The following EFNB2 variants were observed in gnomAD, a reference collection of about 807,000 sequenced individuals.
The protein encoded by EFNB2 is ephrin B2, also known as ephrin-B2.
EFNB2 carries 5 observed loss-of-function variants against 32.1 expected under a neutral mutation model. The observed-to-expected ratio is 0.16, with a 90% CI of 0.08 to 0.33. EFNB2 has a LOEUF of 0.33. Ranked by LOEUF, EFNB2 falls within the 10% of genes least tolerant of loss-of-function variation. EFNB2 has a pLI of 1.00. For missense variants in EFNB2, 263 were observed against 422.6 expected, an observed-to-expected ratio of 0.62 and a Z score of 3.31; for synonymous variants, 168 against 166.5, an observed-to-expected ratio of 1.01 and a Z score of -0.07.
At chr13:106,500,818 G>A (rs985185907) in intron 2 of EFNB2, among the ~76,000 whole-genome samples, 2 of 152,034 alleles carry the variant, frequency 1.3e-5, no homozygotes, top group South Asian at 2.1e-4. Context: ...TCTGAAGATC[G>A]GAAGACTGTT....
intron 1 of EFNB2, among the ~76,000 whole-genome samples, chr13:106,529,332 C>T (rs900019653): frequency 2.6e-5 from 4 of 152,304 alleles, no homozygotes; most frequent in South Asian, 2.1e-4. Context: ...TCCTACAGAA[C>T]GGCTGCTGCT....
chr13:106,535,409 C>A lies in EFNB2; in HGVS notation c.-445G>T, dbSNP rs998976729. 109 of 150,264 alleles carry A rather than the reference C, an allele frequency of 7.3e-4. No homozygotes were observed. Among genetic ancestry groups the A allele is most frequent in the African/African-American group, 2.6e-3 (108 of 41,212 alleles). 9.3% of individuals were successfully genotyped at this position (150,264 alleles called of 1,614,324 possible). ...ATAGATCCAGTGCAGCGGGCAGCGG[C>A]CCGAGCGCGCGGGCGCCGCGTCGGC... On this transcript the variant is annotated 5_prime_UTR_variant, in exon 1 of 5. Transcript: ENST00000646441.
chr13:106,495,408 G>C (rs1007622306), intron 3 of EFNB2, among the ~76,000 whole-genome samples: 1 of 152,196 alleles, frequency 6.6e-6, no homozygotes, highest in African/African-American at 2.4e-5. Flanking sequence ...AACTGCACAA[G>C]CTTTTAGTTT....
At position 106,512,392 on chromosome 13, in the gene EFNB2, AG is replaced by A. The variant is rs59267623; in HGVS notation, c.406+136del. ...ATGAAGTTTTCTTTGAAAAAAAAAA[AG>A]GGGGGGGGGACAATTTTTCCACATA... is the stretch of plus-strand genomic sequence containing the variant. On this transcript the variant is annotated intron_variant, in intron 2 of 4. Coordinates refer to ENST00000646441, the MANE Select transcript of EFNB2 (RefSeq NM_004093.4). 2.6e-3 allele frequency: 785 copies of A among 300,386 alleles called. 2 individuals carry two copies. The highest frequency in any genetic ancestry group is 3.8e-3 in the East Asian group (61 of 15,934). 18.6% of individuals were successfully genotyped at this position (300,386 alleles called of 1,614,324 possible).
chr13:106,502,850 A>AC (rs2138909203), intron 2 of EFNB2, among the ~76,000 whole-genome samples: 1 of 66,614 alleles, frequency 1.5e-5, no homozygotes, highest in South Asian at 3.6e-4. Flanking sequence ...GGAAGAGCAG[A>AC]AAGTGATGGC....
At chr13:106,522,148 G>A (rs1369934837) in intron 1 of EFNB2, among the ~76,000 whole-genome samples, 1 of 152,090 alleles carries the variant, frequency 6.6e-6, no homozygotes, top group Admixed American at 6.5e-5. Context: ...AGTAAGGCTG[G>A]GATGCTATGT....
At position 106,493,439 on chromosome 13, in the gene EFNB2, G is replaced by A. The variant is rs3742161; in HGVS notation, c.614-11C>T. ...CGTCTGTGCTAGAACCTGCAGACGCGGAGACAGAAAAGGTCAGAGATAGTT... is the reference window on the plus strand; with the variant it reads ...CGTCTGTGCTAGAACCTGCAGACGCAGAGACAGAAAAGGTCAGAGATAGTT... On this transcript the variant is annotated splice_polypyrimidine_tract_variant and intron_variant, in intron 4 of 4. Transcript: ENST00000646441. The surrounding 1 kb of genome is among the most constrained non-coding windows in gnomAD (Gnocchi z 6.1). 3.7e-3 allele frequency: 5,958 copies of A among 1,599,584 alleles called. 174 individuals are homozygous for A. In the East Asian group the frequency reaches 0.066, roughly 18 times the overall value.
intron 1 of EFNB2, among the ~76,000 whole-genome samples, chr13:106,514,970 A>G (rs933966811): frequency 2.0e-5 from 3 of 152,054 alleles, no homozygotes; most frequent in Non-Finnish European, 2.9e-5. Context: ...ATTACACCCT[A>G]TGTCTCAAGT....
intron 2 of EFNB2, chr13:106,505,936 C>T (rs1449087002): frequency 1.3e-5 from 2 of 152,242 alleles, no homozygotes; most frequent in Non-Finnish European, 2.9e-5. Context: ...TTTCTTCTTA[C>T]ACACAGAGCC....
chr13:106,497,642 T>C (rs558393789), intron 2 of EFNB2, among the ~76,000 whole-genome samples: 5 of 152,184 alleles, frequency 3.3e-5, no homozygotes, highest in Non-Finnish European at 7.3e-5. Flanking sequence ...CTGCGCCTGT[T>C]AACTCGTCAT....
chr13:106,535,141 G>A lies in EFNB2; in HGVS notation c.-177C>T. On this transcript the variant is annotated 5_prime_UTR_variant, in exon 1 of 5. Transcript: ENST00000646441. ...CCGGGCCAGGTGCGCTCGCTCTCCGGGGCCCTCAGGGCGCGGGGCGGGAGC... is the reference window on the plus strand; with the variant it reads ...CCGGGCCAGGTGCGCTCGCTCTCCGAGGCCCTCAGGGCGCGGGGCGGGAGC... The A allele has an allele frequency of 1.9e-6, 1 of 531,240 alleles. No individual in the cohort carries two copies. 32.9% of individuals were successfully genotyped at this position (531,240 alleles called of 1,614,324 possible). A position where few individuals can be genotyped will look rare whatever the true frequency, so the allele number is the denominator to read the frequency against.
At chr13:106,511,072 A>G (rs1487731899) in intron 2 of EFNB2, among the ~76,000 whole-genome samples, 1 of 152,238 alleles carries the variant, frequency 6.6e-6, no homozygotes, top group Non-Finnish European at 1.5e-5. Context: ...CCAAAAGCTT[A>G]AAGTTTCCAT....
chr13:106,496,696 AT>A (rs11333658), intron 2 of EFNB2, among the ~76,000 whole-genome samples: 40,419 of 149,438 alleles, frequency 0.27, 5,704 homozygotes, highest in East Asian at 0.43. Flanking sequence ...CATTTTCAGC[AT>A]TTTTTTTTTC....
chr13:106,533,624 T>A (rs1161656482), intron 1 of EFNB2, among the ~76,000 whole-genome samples: 1 of 152,196 alleles, frequency 6.6e-6, no homozygotes, highest in Non-Finnish European at 1.5e-5. Context: ...TTTAAGAGAA[T>A]GGACACACTC....
intron 1 of EFNB2, chr13:106,517,458 G>C (rs931538715): frequency 1.3e-5 from 2 of 152,116 alleles, no homozygotes; most frequent in African/African-American, 4.8e-5. Context: ...ACACAGGAGA[G>C]AGAACTGAGC....
chr13:106,495,607 A>T, intron 3 of EFNB2, 141 bp downstream of exon 3: 1 of 745,020 alleles, frequency 1.3e-6, no homozygotes, highest in Non-Finnish European at 2.2e-6. Flanking sequence ...GAAATCTGTC[A>T]GTGGCTCAAA....
At chr13:106,509,852 G>A (rs1259900863) in intron 2 of EFNB2, 1 of 152,132 alleles carries the variant, frequency 6.6e-6, no homozygotes, top group African/African-American at 2.4e-5. Context: ...TTGCTGTAGG[G>A]TGGGTGAGAA....
At chr13:106,512,240 G>A (rs1364540849) in intron 2 of EFNB2, among the ~76,000 whole-genome samples, 2 of 151,638 alleles carry the variant, frequency 1.3e-5, no homozygotes, top group Non-Finnish European at 2.9e-5. Flanking sequence ...AAATGGTTTT[G>A]TCAGTAGAGA....
chr13:106,510,169 T>C (rs983243839), intron 2 of EFNB2: 4 of 152,212 alleles, frequency 2.6e-5, no homozygotes, highest in African/African-American at 9.6e-5. Flanking sequence ...GTAACTGCAA[T>C]GAACCTGTTA....
Sources: gnomAD v4.1 joint callset for allele counts (sites outside exome capture counted in the v4.1 genomes callset) on GRCh38, gnomAD v4.1.1 for gene constraint, Gnocchi (gnomAD v3.1) non-coding constraint, MANE v1.5 for transcripts, NCBI Gene and HGNC (gene_info 2026-07-23, HGNC 2026-07-21) for gene names.